The following POLR3G variants were observed in gnomAD, a reference collection of about 807,000 sequenced individuals.
POLR3G encodes the protein DNA-directed RNA polymerase III subunit RPC7.
POLR3G carries 28 observed loss-of-function variants against 30.1 expected under a neutral mutation model. The observed-to-expected ratio is 0.93, with a 90% CI of 0.69 to 1.27. The LOEUF (loss-of-function observed/expected upper bound fraction) is 1.27. Ranked by LOEUF, POLR3G falls within the 50% of genes most tolerant of loss-of-function variation. The pLI is 0.00. For missense variants in POLR3G, 254 were observed against 264.6 expected (o/e 0.96, Z 0.28); for synonymous variants, 79 against 82.5 (o/e 0.96, Z 0.23).
At chr5:90,501,755 GTTTA>G in intron 5 of POLR3G, 147 bp from the exon 6 acceptor site, 1 of 833,688 alleles carries the variant, frequency 1.2e-6, no homozygotes, top group African/African-American at 1.7e-5. Flanking sequence ...GGTATGATTT[GTTTA>G]TTCTTTGAGA....
chr5:90,473,979 G>A, upstream of POLR3G: 3 of 1,598,444 alleles, frequency 1.9e-6, no homozygotes, highest in Non-Finnish European at 2.6e-6. Flanking sequence ...CAGCGCCTCG[G>A]CCTCGGCGTG....
At chr5:90,487,681 A>T (rs1751515533) in intron 2 of POLR3G, among the ~76,000 whole-genome samples, 1 of 152,034 alleles carries the variant, frequency 6.6e-6, no homozygotes, top group South Asian at 2.1e-4. Flanking sequence ...GTGAGCCACC[A>T]TGCACGGCCT....
chr5:90,490,964 A>G (rs1242009181), intron 3 of POLR3G: 1 of 154,168 alleles, frequency 6.5e-6, no homozygotes, highest in Non-Finnish European at 1.4e-5. Flanking sequence ...CAGGTGCATC[A>G]CTTACCACCT....
At chr5:90,488,292 T>C (rs527533483) in intron 3 of POLR3G, among the ~76,000 whole-genome samples, 163 bp downstream of exon 3, 6 of 152,334 alleles carry the variant, frequency 3.9e-5, no homozygotes, top group Admixed American at 3.9e-4. Flanking sequence ...AAAAATACTT[T>C]AAACTTTTTG....
upstream of POLR3G, chr5:90,474,044 G>A (rs761125129): frequency 5.0e-6 from 8 of 1,590,380 alleles, no homozygotes; most frequent in Admixed American, 1.1e-4. Flanking sequence ...CGAAGTGCAC[G>A]TGGGTGGCCA....
chr5:90,487,000 GGT>G (rs562709891), intron 2 of POLR3G, among the ~76,000 whole-genome samples: 248 of 152,166 alleles, frequency 1.6e-3, no homozygotes, highest in Middle Eastern at 0.01. Context: ...GTCTTTACTA[GGT>G]ACCCTGGAGA....
At chr5:90,497,572 C>G in intron 4 of POLR3G, 84 bp from the exon 5 acceptor site, 1 of 1,458,966 alleles carries the variant, frequency 6.9e-7, no homozygotes, top group Non-Finnish European at 9.1e-7. Flanking sequence ...TTCTGGACAA[C>G]TGTTGTGTCC....
intron 1 of POLR3G, among the ~76,000 whole-genome samples, chr5:90,477,328 T>C (rs1750883832): frequency 1.3e-5 from 2 of 152,136 alleles, no homozygotes; most frequent in Admixed American, 6.5e-5. Flanking sequence ...ACTCCAAAGC[T>C]CTGTTAAGGA....
At chr5:90,495,529 TCCCA>T in intron 3 of POLR3G, 144 bp from the exon 4 acceptor site, 3 of 1,363,964 alleles carry the variant, frequency 2.2e-6, no homozygotes, top group Admixed American at 6.9e-5. Flanking sequence ...CTACCCTTTT[TCCCA>T]TTCTCTTATG....
intron 7 of POLR3G, among the ~76,000 whole-genome samples, chr5:90,509,758 C>T (rs928467360): frequency 1.3e-5 from 2 of 151,862 alleles, no homozygotes; most frequent in African/African-American, 4.8e-5. Flanking sequence ...TATGGCGGGA[C>T]TAGAGGGTGT....
chr5:90,478,569 C>CTTTTTTTTTTTTTTTTTTTTTTTTT (rs773881344), intron 1 of POLR3G, among the ~76,000 whole-genome samples: 1 of 79,334 alleles, frequency 1.3e-5, no homozygotes, highest in African/African-American at 5.1e-5. Context: ...CTGCGTGGTT[C>CTTTTTTTTTTTTTTTTTTTTTTTTT]TTTTTTTTTT....
intron 3 of POLR3G, among the ~76,000 whole-genome samples, chr5:90,494,873 CTG>C (rs1481860187): frequency 6.6e-6 from 1 of 152,004 alleles, no homozygotes; most frequent in Non-Finnish European, 1.5e-5. Flanking sequence ...AGGGTAAAAA[CTG>C]TTTTTTTCCG....
chr5:90,498,760 G>A (rs927413211), intron 5 of POLR3G, among the ~76,000 whole-genome samples: 1 of 152,260 alleles, frequency 6.6e-6, no homozygotes, highest in East Asian at 1.9e-4. Context: ...TTTACAGTTT[G>A]TTTTTCTTTA....
intron 7 of POLR3G, among the ~76,000 whole-genome samples, chr5:90,511,331 A>C (rs1442845437): frequency 3.1e-5 from 4 of 131,114 alleles, no homozygotes; most frequent in African/African-American, 1.0e-4. Context: ...TGGTTGTCTC[A>C]AAAAGTTTGT....
chr5:90,482,033 G>A (rs1446460030), intron 1 of POLR3G, among the ~76,000 whole-genome samples: 1 of 152,154 alleles, frequency 6.6e-6, no homozygotes, highest in East Asian at 1.9e-4. Context: ...TATAGTAAAT[G>A]TAAGTATTAG....
At chr5:90,502,707 A>C (rs1467041333) in intron 6 of POLR3G, among the ~76,000 whole-genome samples, 1 of 152,026 alleles carries the variant, frequency 6.6e-6, no homozygotes, top group Non-Finnish European at 1.5e-5. Flanking sequence ...TTTTAAAGAC[A>C]GAGATAGCAT....
intron 3 of POLR3G, among the ~76,000 whole-genome samples, chr5:90,492,416 C>A (rs1177230443): frequency 1.3e-5 from 2 of 152,144 alleles, no homozygotes; most frequent in South Asian, 4.1e-4. Context: ...TTGTAACTGA[C>A]AAATGCTGAA....
At chr5:90,489,925 G>T (rs997065102) in intron 3 of POLR3G, among the ~76,000 whole-genome samples, 3 of 152,062 alleles carry the variant, frequency 2.0e-5, no homozygotes, top group African/African-American at 7.2e-5. Flanking sequence ...TGGCCAACAT[G>T]GGAAAACCCT....
At chr5:90,502,169 G>C (rs1752278260) in intron 6 of POLR3G, 181 bp downstream of exon 6, 12 of 985,090 alleles carry the variant, frequency 1.2e-5, no homozygotes, top group African/African-American at 1.7e-5. Flanking sequence ...AGATATGGAG[G>C]GTCTGTCCTG....
Sources: gnomAD v4.1 joint callset for allele counts (sites outside exome capture counted in the v4.1 genomes callset) on GRCh38, gnomAD v4.1.1 for gene constraint, MANE v1.5 for transcripts, NCBI Gene and HGNC (gene_info 2026-07-23, HGNC 2026-07-21) for gene names.